Variants in RARS2 observed in about 807,000 individuals in gnomAD.
The protein encoded by RARS2 is probable arginine--tRNA ligase, mitochondrial.
RARS2 carries 67 observed loss-of-function variants against 88.5 expected under a neutral mutation model. That is an observed-to-expected ratio of 0.76 (90% CI 0.62 to 0.93). The LOEUF (loss-of-function observed/expected upper bound fraction) is 0.93, where lower values mean the gene tolerates loss of function less well. RARS2 is among the 40% of genes least tolerant of loss of function. RARS2 has a pLI of 0.00. For missense variants in RARS2, 664 were observed against 684.2 expected (o/e 0.97, Z 0.33); for synonymous variants, 239 against 230.3 (o/e 1.04, Z -0.34).
At chr6:87,551,410 G>A (rs1460379852) in intron 5 of RARS2, among the ~76,000 whole-genome samples, 1 of 151,904 alleles carries the variant, frequency 6.6e-6, no homozygotes, top group East Asian at 1.9e-4. Context: ...TGGATCACTT[G>A]AAGTCAGGAG....
rs1772721621 is a variant in RARS2, at chr6:87,518,817, A to T, written c.1305+7T>A. The stretch of plus-strand genomic sequence containing the variant: ...AAAGGGCCTCACAGGTAGGAGTCTT[A>T]ACAGACCTGAATAATGAGTGCTGCG... On this transcript the variant is annotated splice_region_variant and intron_variant, in intron 15 of 19. Coordinates refer to ENST00000369536, the MANE Select transcript of RARS2 (RefSeq NM_020320.5). 1 of 1,613,734 alleles carries T rather than the reference A, an allele frequency of 6.2e-7. No individual in the cohort carries two copies. The highest frequency in any genetic ancestry group is 1.3e-5 in the African/African-American group (1 of 74,914).
At position 87,529,610 on chromosome 6, in the gene RARS2, T is replaced by C; in HGVS notation, c.810A>G (p.Ser270=). 6.2e-7 allele frequency: 1 copy of C among 1,609,500 alleles called. No individual in the cohort carries two copies. Residue 270 remains serine, a synonymous_variant, in exon 10 of 20, where the codon TCA becomes TCG. Coordinates refer to ENST00000369536, the MANE Select transcript of RARS2 (RefSeq NM_020320.5). ...CCTCTTGAGATTTTTCACGATAAAA[T>C]GATTCTCCTGAATATTCATCAAAAT... ...GVYFDEYSGE[S]FYREKSQEVL... is the part of the protein sequence containing the mutation.
Position 87,516,894 on chromosome 6 carries a change from G to A in RARS2, c.1512-14C>T. On this transcript the variant is annotated splice_polypyrimidine_tract_variant and intron_variant, in intron 17 of 19. Transcript: ENST00000369536. The stretch of plus-strand genomic sequence containing the variant: ...ACCTCGTCGAACCTAAAAGATGACA[G>A]GAACAGTGAACAGGAAAAGACTGTA... 1 of 1,613,322 alleles carries A rather than the reference G, an allele frequency of 6.2e-7. No individual in the cohort carries two copies. The highest frequency in any genetic ancestry group is 8.5e-7 in the Non-Finnish European group (1 of 1,179,544).
chr6:87,534,212 AAC>A (rs1375030171), intron 8 of RARS2, among the ~76,000 whole-genome samples: 1 of 151,480 alleles, frequency 6.6e-6, no homozygotes, highest in African/African-American at 2.4e-5. Flanking sequence ...CAATACTGCA[AAC>A]AGTTAATAAT....
Position 87,564,346 on chromosome 6 carries a change from G to A in RARS2, c.111-114C>T, listed in dbSNP as rs1380356099. On this transcript the variant is annotated intron_variant, in intron 2 of 19. Coordinates refer to ENST00000369536, the MANE Select transcript of RARS2 (RefSeq NM_020320.5). ...AGACATACCTTTACCAGAAGAAGGT[G>A]TTATGTGTACTTTCAAAATTAAAAG... is the stretch of plus-strand genomic sequence containing the variant. 1.7e-5 allele frequency: 14 copies of A among 804,826 alleles called. No homozygotes were observed. The East Asian group carries it at 3.2e-4, about 18-fold the overall frequency. 49.9% of individuals were successfully genotyped at this position (804,826 alleles called of 1,614,324 possible). A position where few individuals can be genotyped will look rare whatever the true frequency, so the allele number is the denominator to read the frequency against.
chr6:87,585,128 C>T (rs146744615), intron 1 of RARS2, among the ~76,000 whole-genome samples: 17 of 152,302 alleles, frequency 1.1e-4, no homozygotes, highest in South Asian at 4.1e-4. Context: ...CACCACACCA[C>T]GTCATCTCCA....
intron 7 of RARS2, among the ~76,000 whole-genome samples, chr6:87,545,370 T>C (rs1410839153): frequency 6.6e-6 from 1 of 151,724 alleles, no homozygotes; most frequent in African/African-American, 2.4e-5. Context: ...AGGAGTGAAA[T>C]ACCATGCCTG....
chr6:87,524,280 C>T (rs534778979), intron 11 of RARS2, among the ~76,000 whole-genome samples: 1 of 152,254 alleles, frequency 6.6e-6, no homozygotes, highest in Admixed American at 6.5e-5. Context: ...GCCTGCTTTA[C>T]CAAATCCCAA....
intron 10 of RARS2, among the ~76,000 whole-genome samples, chr6:87,527,986 C>A (rs1321536608): frequency 6.6e-6 from 1 of 151,066 alleles, no homozygotes; most frequent in African/African-American, 2.4e-5. Flanking sequence ...TGATGGGTTG[C>A]CAGGTGCAGC....
At chr6:87,561,339 G>A (rs948343652) in intron 4 of RARS2, among the ~76,000 whole-genome samples, 5 of 152,070 alleles carry the variant, frequency 3.3e-5, no homozygotes, top group Non-Finnish European at 5.9e-5. Context: ...TGGCATTTGT[G>A]ACACAAAGAA....
At chr6:87,556,108 G>A (rs1031503196) in intron 4 of RARS2, among the ~76,000 whole-genome samples, 1 of 152,178 alleles carries the variant, frequency 6.6e-6, no homozygotes, top group African/African-American at 2.4e-5. Context: ...AGATAAAAAT[G>A]TATAATGCCT....
In RARS2 at chr6:87,516,438, G is replaced by A. The variant is rs115155042; in HGVS notation, c.1586+368C>T. Among the ~76,000 whole-genome samples the A allele has an allele frequency of 9.8e-3, 1,487 of 152,120 alleles. 19 individuals carry two copies. The highest frequency in any genetic ancestry group is 0.034 in the African/African-American group (1,402 of 41,490). On this transcript the variant is annotated intron_variant, in intron 18 of 19. Coordinates refer to ENST00000369536, the MANE Select transcript of RARS2 (RefSeq NM_020320.5). ...ATTATTACGTTCTTGCTCAACTCTGGGCTTTCTTCTTCTTCCCAGCCACAT... is the reference window on the plus strand; with the variant it reads ...ATTATTACGTTCTTGCTCAACTCTGAGCTTTCTTCTTCTTCCCAGCCACAT...
chr6:87,516,814 T>A lies in RARS2; in HGVS notation c.1578A>T (p.Leu526=), dbSNP rs1234984405. ...GGAAGATTATAAAGTACCTTAAAGT[T>A]AGAAGGTAACTGACGATATGCCTGG... ...FQPRHIVSYL[L]TLSHLAAVAH... Residue 526 remains leucine (L), a synonymous_variant, in exon 18 of 20, where the codon CTA becomes CTT. Transcript: ENST00000369536. 2 of 1,613,504 alleles carry A rather than the reference T, an allele frequency of 1.2e-6. No homozygotes were observed. Among genetic ancestry groups the A allele is most frequent in the African/African-American group, 2.7e-5 (2 of 74,902 alleles).
chr6:87,559,729 C>T lies in RARS2; in HGVS notation c.297+2973G>A, dbSNP rs1163921238. Among the ~76,000 whole-genome samples the T allele has an allele frequency of 5.3e-5, 8 of 152,026 alleles. No individual in the cohort carries two copies. The South Asian group carries it at 1.7e-3, about 31-fold the overall frequency. On this transcript the variant is annotated intron_variant, in intron 4 of 19. Transcript: ENST00000369536. ...ACAAGGAAAAATATTTTTTTATAAA[C>T]CCATTGTAACCTAAGTGTACCATGT...
In RARS2 at chr6:87,530,957, G is replaced by A. The variant is rs1158976640; in HGVS notation, c.613-15C>T. ...TGTACATAAACCTAAAAGTACAATA[G>A]TACATTAAATGAAGTACATAACAGG... On this transcript the variant is annotated splice_polypyrimidine_tract_variant and intron_variant, in intron 8 of 19. Transcript: ENST00000369536. 1 of 1,613,684 alleles carries A rather than the reference G, an allele frequency of 6.2e-7. No individual in the cohort carries two copies. Among genetic ancestry groups the A allele is most frequent in the South Asian group, 1.1e-5 (1 of 91,084 alleles).
At chr6:87,553,319 GA>G (rs1487058111) in intron 5 of RARS2, among the ~76,000 whole-genome samples, 1 of 152,102 alleles carries the variant, frequency 6.6e-6, no homozygotes, top group Non-Finnish European at 1.5e-5. Flanking sequence ...CAGGCAAGTA[GA>G]AGAACCACTG....
intron 1 of RARS2, among the ~76,000 whole-genome samples, chr6:87,571,189 C>T (rs1769581660): frequency 6.6e-6 from 1 of 152,044 alleles, no homozygotes. Flanking sequence ...ATTCTGTTTT[C>T]GTGACAGTGA....
At chr6:87,579,494 G>A (rs969879672) in intron 1 of RARS2, among the ~76,000 whole-genome samples, 1 of 152,062 alleles carries the variant, frequency 6.6e-6, no homozygotes, top group South Asian at 2.1e-4. Context: ...AAGGGCCTGG[G>A]CTTAAGCAGT....
Position 87,562,825 on chromosome 6 carries a change from A to T in RARS2, c.214-40T>A, listed in dbSNP as rs777314377. The T allele has an allele frequency of 2.1e-6, 3 of 1,456,768 alleles. No homozygotes were observed. The Admixed American group carries it at 5.0e-5, about 24-fold the overall frequency. The allele number at this position is 1,456,768 out of a possible 1,614,324, so 90.2% of individuals were successfully genotyped here. ...TCACACAAAGTAGGTATGTTATATA[A>T]TAGGCCTAATGAGATAGGTAGTTCT... On this transcript the variant is annotated intron_variant, in intron 3 of 19. Coordinates refer to ENST00000369536, the MANE Select transcript of RARS2 (RefSeq NM_020320.5).
Sources: allele counts gnomAD v4.1 joint callset (sites outside exome capture counted in the v4.1 genomes callset), GRCh38; gene constraint gnomAD v4.1.1; transcripts MANE v1.5; gene names NCBI Gene and HGNC (gene_info 2026-07-23, HGNC 2026-07-21).